Variants in ADAM32 observed in about 807,000 individuals in gnomAD.
ADAM32 encodes the protein ADAM metallopeptidase domain 32.
ADAM32 carries 89 observed loss-of-function variants against 114.9 expected under a neutral mutation model. The observed-to-expected ratio is 0.77, with a 90% CI of 0.65 to 0.92. The LOEUF (loss-of-function observed/expected upper bound fraction) is 0.92, where lower values mean the gene tolerates loss of function less well. Among genes scored for constraint, ADAM32 ranks in the 40% least tolerant of loss-of-function variants. The pLI, the probability that ADAM32 is intolerant of heterozygous loss-of-function variation, is 0.00. For missense variants in ADAM32, 870 were observed against 932.8 expected (o/e 0.93, Z 0.88); for synonymous variants, 285 against 307.5 (o/e 0.93, Z 0.77).
At chr8:39,248,011 T>C (rs746782105) in intron 17 of ADAM32, among the ~76,000 whole-genome samples, 1 of 152,188 alleles carries the variant, frequency 6.6e-6, no homozygotes, top group African/African-American at 2.4e-5. Context: ...TTTATGTTTG[T>C]CAGTTGCTGG....
chr8:39,228,299 G>A (rs1347437849), intron 14 of ADAM32, among the ~76,000 whole-genome samples: 1 of 152,084 alleles, frequency 6.6e-6, no homozygotes, highest in African/African-American at 2.4e-5. Flanking sequence ...AATCACACTA[G>A]TTCACGAGCA....
chr8:39,171,657 C>G (rs1805207898), intron 10 of ADAM32, among the ~76,000 whole-genome samples: 2 of 151,968 alleles, frequency 1.3e-5, no homozygotes, highest in African/African-American at 4.8e-5. Flanking sequence ...TTAATAATTT[C>G]CATTTAAGTT....
At chr8:39,268,418 T>C (rs1712919040) in intron 19 of ADAM32, among the ~76,000 whole-genome samples, 1 of 152,246 alleles carries the variant, frequency 6.6e-6, no homozygotes. Flanking sequence ...TTATGGGTTA[T>C]TTTCCTTTTT....
chr8:39,113,003 C>T (rs1226739970), intron 1 of ADAM32, among the ~76,000 whole-genome samples: 3 of 152,218 alleles, frequency 2.0e-5, no homozygotes, highest in Non-Finnish European at 4.4e-5. Flanking sequence ...TTTCTTCACT[C>T]TCTGAATCTG....
At chr8:39,215,420 A>G (rs1808493614) in intron 12 of ADAM32, among the ~76,000 whole-genome samples, 1 of 151,750 alleles carries the variant, frequency 6.6e-6, no homozygotes, top group African/African-American at 2.4e-5. Context: ...TAGACATTTT[A>G]TTTCATTTAT....
intron 16 of ADAM32, among the ~76,000 whole-genome samples, chr8:39,240,067 A>G (rs1810457900): frequency 6.6e-6 from 1 of 152,246 alleles, no homozygotes; most frequent in African/African-American, 2.4e-5. Context: ...TATACCCTAG[A>G]ACAAATAGAC....
chr8:39,128,612 C>T (rs1802251590), intron 2 of ADAM32, among the ~76,000 whole-genome samples: 1 of 152,146 alleles, frequency 6.6e-6, no homozygotes, highest in Non-Finnish European at 1.5e-5. Flanking sequence ...TTCATAGTGT[C>T]ACTGGTCTGT....
intron 10 of ADAM32, among the ~76,000 whole-genome samples, chr8:39,181,182 A>G (rs1805862479): frequency 6.6e-6 from 1 of 152,156 alleles, no homozygotes; most frequent in South Asian, 2.1e-4. Context: ...TTTGCAATAA[A>G]TCTTGCTACT....
intron 4 of ADAM32, among the ~76,000 whole-genome samples, chr8:39,147,819 G>T (rs1471716355): frequency 1.3e-5 from 2 of 151,756 alleles, no homozygotes. Flanking sequence ...TTTTGCCCAG[G>T]CTAGAGTGCA....
intron 19 of ADAM32, among the ~76,000 whole-genome samples, chr8:39,262,089 G>A (rs1457500702): frequency 6.6e-6 from 1 of 151,758 alleles, no homozygotes; most frequent in African/African-American, 2.4e-5. Context: ...CTGTGCTTTT[G>A]AAGTCTTATT....
Position 39,242,356 on chromosome 8 carries a change from C to T in ADAM32, c.1819-3727C>T, listed in dbSNP as rs79523663. ...TTTTGGGTTTCTTTTCAGCAGCACCCCACTCTACTGGTACCAATTTACTGT... is the reference window on the plus strand; with the variant it reads ...TTTTGGGTTTCTTTTCAGCAGCACCTCACTCTACTGGTACCAATTTACTGT... On this transcript the variant is annotated intron_variant, in intron 16 of 24. Coordinates refer to ENST00000379907, the MANE Select transcript of ADAM32 (RefSeq NM_145004.7). 3.9e-3 allele frequency among the ~76,000 whole-genome samples: 598 copies of T among 152,344 alleles called. 1 individual carries two copies. The highest frequency in any genetic ancestry group is 0.014 in the African/African-American group (576 of 41,580).
chr8:39,207,277 T>G (rs1807906257), intron 11 of ADAM32, among the ~76,000 whole-genome samples: 1 of 152,166 alleles, frequency 6.6e-6, no homozygotes, highest in Admixed American at 6.5e-5. Context: ...TGGTCTTTTT[T>G]GTGCATGAGA....
At chr8:39,267,206 G>C (rs372530594) in intron 19 of ADAM32, among the ~76,000 whole-genome samples, 30 of 152,232 alleles carry the variant, frequency 2.0e-4, no homozygotes, top group African/African-American at 6.0e-4. Flanking sequence ...ATGCGTACTG[G>C]TGAGGGGGTG....
intron 11 of ADAM32, among the ~76,000 whole-genome samples, chr8:39,202,527 TG>T (rs1374564391): frequency 1.6e-4 from 24 of 152,326 alleles, no homozygotes; most frequent in African/African-American, 5.8e-4. Flanking sequence ...TTTTCTTCTT[TG>T]TTAGTCTTGC....
At chr8:39,166,457 G>A (rs187458255) in intron 9 of ADAM32, 1 of 152,272 alleles carries the variant, frequency 6.6e-6, no homozygotes, top group South Asian at 2.1e-4. Flanking sequence ...ATTTGGGTTG[G>A]TTCCATGATT....
intron 10 of ADAM32, among the ~76,000 whole-genome samples, chr8:39,173,232 TG>T: frequency 6.6e-6 from 1 of 152,258 alleles, no homozygotes; most frequent in Non-Finnish European, 1.5e-5. Context: ...CACTCCAGCC[TG>T]GGCAACAAGA....
intron 2 of ADAM32, among the ~76,000 whole-genome samples, chr8:39,124,429 T>TA (rs1491418685): frequency 8.3e-6 from 1 of 119,942 alleles, no homozygotes; most frequent in Admixed American, 8.1e-5. Context: ...TTTTTTTTTT[T>TA]ATTTTTGAGA....
At position 39,136,640 on chromosome 8, in the gene ADAM32, T is replaced by C; in HGVS notation, c.139-17T>C. 6.7e-7 allele frequency: 1 copy of C among 1,491,424 alleles called. No homozygotes were observed. Among genetic ancestry groups the C allele is most frequent in the Admixed American group, 2.4e-5 (1 of 41,912 alleles). The allele number at this position is 1,491,424 out of a possible 1,614,324, so 92.4% of individuals were successfully genotyped here. ...TATTAAATTTGTCTTCACTCTCAGT[T>C]GTTTTGAATTCTCTAGGAACAAATA... On this transcript the variant is annotated splice_polypyrimidine_tract_variant and intron_variant, in intron 2 of 24. Transcript: ENST00000379907.
intron 1 of ADAM32, among the ~76,000 whole-genome samples, chr8:39,111,843 A>T (rs991010809): frequency 3.9e-5 from 6 of 152,020 alleles, no homozygotes; most frequent in African/African-American, 1.4e-4. Flanking sequence ...CTTTGCCTAA[A>T]TTTGATGTAA....
Sources: gnomAD v4.1 joint callset for allele counts (sites outside exome capture counted in the v4.1 genomes callset) on GRCh38, gnomAD v4.1.1 for gene constraint, MANE v1.5 for transcripts, NCBI Gene and HGNC (gene_info 2026-07-23, HGNC 2026-07-21) for gene names.